Variants in BCO1 observed in about 807,000 individuals in gnomAD.
BCO1 encodes beta-carotene oxygenase 1, also known as beta,beta-carotene 15,15'-dioxygenase.
Under a neutral mutation model 56.3 loss-of-function variants are expected in BCO1, and 54 were observed. The observed-to-expected ratio is 0.96, with a 90% confidence interval of 0.77 to 1.20. The LOEUF (loss-of-function observed/expected upper bound fraction) is 1.20. Ranked by LOEUF, BCO1 falls within the 50% of genes most tolerant of loss-of-function variation. The probability of loss-of-function intolerance (pLI) is 0.00; values close to 1 mark genes in which losing one functional copy is unlikely to be tolerated. For missense variants in BCO1, 801 were observed against 690.9 expected (o/e 1.16, Z -1.79); for synonymous variants, 318 against 266.1 (o/e 1.20, Z -1.90).
intron 8 of BCO1, among the ~76,000 whole-genome samples, chr16:81,281,792 A>T (rs904456871): frequency 6.6e-6 from 1 of 152,114 alleles, no homozygotes; most frequent in African/African-American, 2.4e-5. Context: ...GTTTAGCCAC[A>T]TCCCTGGCCT....
intron 2 of BCO1, among the ~76,000 whole-genome samples, chr16:81,255,014 C>T (rs142985528): frequency 2.0e-5 from 3 of 152,294 alleles, no homozygotes; most frequent in Non-Finnish European, 4.4e-5. Flanking sequence ...AACTCCTGGG[C>T]TCAAGCGATC....
chr16:81,270,766 A>G (rs1189996983), intron 7 of BCO1, among the ~76,000 whole-genome samples: 1 of 142,250 alleles, frequency 7.0e-6, no homozygotes, highest in Non-Finnish European at 1.5e-5. Context: ...TTTTTTTGAG[A>G]CGTAGTCTCG....
intron 3 of BCO1, 157 bp from the exon 4 acceptor site, chr16:81,261,979 T>G: frequency 2.4e-6 from 2 of 819,102 alleles, no homozygotes; most frequent in Non-Finnish European, 4.1e-6. Flanking sequence ...CCTGACCTCG[T>G]GATCCACCTG....
intron 7 of BCO1, among the ~76,000 whole-genome samples, chr16:81,272,400 G>A (rs1413373288): frequency 2.0e-5 from 3 of 152,124 alleles, no homozygotes; most frequent in Non-Finnish European, 2.9e-5. Flanking sequence ...TTACAGGCGT[G>A]AGCCACCGCG....
rs139347856 is a variant in BCO1 at position 81,272,676 on chromosome 16, A to T, written c.1101+2260A>T. Among the ~76,000 whole-genome samples, 20 of 152,294 alleles carry T rather than the reference A, an allele frequency of 1.3e-4. No homozygotes were observed. In the East Asian group the frequency reaches 3.7e-3, roughly 28 times the overall value. On this transcript the variant is annotated intron_variant, in intron 7 of 10. Transcript: ENST00000258168. ...ACTTACAAAGGCTTCTGGCTCCAGA[A>T]CTCACTGACTTCATGACTTAATTAA... is the stretch of plus-strand genomic sequence containing the variant.
At chr16:81,249,177 G>A (rs955127608) in intron 2 of BCO1, among the ~76,000 whole-genome samples, 3 of 148,226 alleles carry the variant, frequency 2.0e-5, no homozygotes, top group African/African-American at 5.0e-5. Context: ...TGCAACCTTC[G>A]CCTTCCAGGT....
At chr16:81,251,254 G>A (rs1269189487) in intron 2 of BCO1, among the ~76,000 whole-genome samples, 1 of 151,782 alleles carries the variant, frequency 6.6e-6, no homozygotes, top group Non-Finnish European at 1.5e-5. Flanking sequence ...AGAAATTAAT[G>A]CTCTAAAAAA....
At chr16:81,272,413 C>T (rs1229216490) in intron 7 of BCO1, among the ~76,000 whole-genome samples, 5 of 152,164 alleles carry the variant, frequency 3.3e-5, no homozygotes, top group African/African-American at 7.2e-5. Context: ...CCACCGCGCC[C>T]GGCCCAGACT....
Position 81,290,619 on chromosome 16 carries a change from G to T in BCO1, c.*42G>T, listed in dbSNP as rs1216293546. On this transcript the variant is annotated 3_prime_UTR_variant, in exon 11 of 11. Coordinates refer to ENST00000258168, the MANE Select transcript of BCO1 (RefSeq NM_017429.3). ...GTAGGGGAGGGGAGCTCGGCTGTCA[G>T]AACTCCATGGATATGTTTCTTTGGA... 1 of 1,476,756 alleles carries T rather than the reference G, an allele frequency of 6.8e-7. No homozygotes were observed. The highest frequency in any genetic ancestry group is 1.4e-5 in the African/African-American group (1 of 72,044). The allele number at this position is 1,476,756 out of a possible 1,614,324, so 91.5% of individuals were successfully genotyped here.
chr16:81,245,798 G>A lies in BCO1; in HGVS notation c.193+195G>A, dbSNP rs545108743. ...CTAGGAAAAATATCCACGTTCTTCC[G>A]TTTTCTATCTTCTAGAAGCCGCTTT... On this transcript the variant is annotated intron_variant, in intron 2 of 10. Coordinates refer to ENST00000258168, the MANE Select transcript of BCO1 (RefSeq NM_017429.3). 6.8e-5 allele frequency among the ~76,000 whole-genome samples: 10 copies of A among 146,758 alleles called. No homozygotes were observed. In the South Asian group the frequency reaches 8.9e-4, roughly 13 times the overall value.
rs1904969134 is a variant in BCO1, at chr16:81,238,714, T to C, written c.-195T>C. The C allele has an allele frequency of 1.6e-6, 1 of 642,108 alleles. No individual in the cohort carries two copies. The highest frequency in any genetic ancestry group is 2.8e-6 in the Non-Finnish European group (1 of 351,930). The allele number at this position is 642,108 out of a possible 1,614,324, so 39.8% of individuals were successfully genotyped here. A position where few individuals can be genotyped will look rare whatever the true frequency, so the allele number is the denominator to read the frequency against. ...GTGAATGTAAAGAGATCCAGGGCTC[T>C]TGGAGAGGGACAAGTGAGAGCCAGC... On this transcript the variant is annotated 5_prime_UTR_variant, in exon 1 of 11. Transcript: ENST00000258168.
intron 2 of BCO1, among the ~76,000 whole-genome samples, chr16:81,248,844 T>G (rs1024119078): frequency 6.6e-6 from 1 of 152,166 alleles, no homozygotes; most frequent in East Asian, 1.9e-4. Flanking sequence ...AAATCCTATC[T>G]CTACTAAAAA....
Position 81,262,176 on chromosome 16 carries a change from GA to G in BCO1, c.365del (p.Asp122AlafsTer4), listed in dbSNP as rs1567705903. 2.5e-6 allele frequency: 4 copies of G among 1,613,862 alleles called. No individual in the cohort carries two copies. The highest frequency in any genetic ancestry group is 3.4e-6 in the Non-Finnish European group (4 of 1,179,950). On this transcript the variant is annotated frameshift_variant, in exon 4 of 11. Coordinates refer to ENST00000258168, the MANE Select transcript of BCO1 (RefSeq NM_017429.3). LOFTEE classifies it high-confidence loss of function. ...GTCTCACACCATCCCCGATTTCACCGACAACTGCCTGATCAACATCATGAAG... is the reference window on the plus strand; with the variant it reads ...GTCTCACACCATCCCCGATTTCACCGCAACTGCCTGATCAACATCATGAAG... ...YLSHTIPDFTDNCLINIMKCG... is the reference protein window; with the variant it reads ...YLSHTIPDFTXNCLINIMKCG...
intron 1 of BCO1, among the ~76,000 whole-genome samples, chr16:81,239,535 T>C (rs995721756): frequency 1.3e-5 from 2 of 152,186 alleles, no homozygotes; most frequent in African/African-American, 4.8e-5. Context: ...AGTGGGTACA[T>C]AGACAATGGG....
intron 1 of BCO1, among the ~76,000 whole-genome samples, chr16:81,242,654 C>T (rs1905186088): frequency 6.6e-6 from 1 of 152,116 alleles, no homozygotes; most frequent in Non-Finnish European, 1.5e-5. Flanking sequence ...CTGCCTCTCT[C>T]AGGGAATTTC....
chr16:81,284,370 CATA>C (rs1244487058), intron 8 of BCO1, among the ~76,000 whole-genome samples: 1 of 151,432 alleles, frequency 6.6e-6, no homozygotes, highest in Non-Finnish European at 1.5e-5. Context: ...GAAAATTTCA[CATA>C]ATGAGAAACT....
chr16:81,260,017 G>A (rs907717251), intron 3 of BCO1, among the ~76,000 whole-genome samples: 1 of 152,130 alleles, frequency 6.6e-6, no homozygotes, highest in Non-Finnish European at 1.5e-5. Context: ...CCTCCCACAT[G>A]GCTGGTGGGA....
At position 81,270,240 on chromosome 16, in the gene BCO1, C is replaced by G. The variant is rs778051988; in HGVS notation, c.925C>G (p.His309Asp). Residue 309 changes from histidine to aspartate, a missense_variant, in exon 7 of 11, where the codon CAC (histidine) becomes GAC (aspartate). By Grantham distance (81) the His-to-Asp change is moderately conservative. Transcript: ENST00000258168. Reference protein sequence around the residue: ...FYTDAMVVFHHVNAYEEDGCI... With the variant: ...FYTDAMVVFHDVNAYEEDGCI... ...CACAGACGCCATGGTGGTCTTCCAT[C>G]ACGTCAACGCCTACGAAGAGGACGG... 1 of 1,614,186 alleles carries G rather than the reference C, an allele frequency of 6.2e-7. No homozygotes were observed. The highest frequency in any genetic ancestry group is 8.5e-7 in the Non-Finnish European group (1 of 1,180,040).
At chr16:81,242,328 G>A (rs1905165730) in intron 1 of BCO1, among the ~76,000 whole-genome samples, 3 of 150,678 alleles carry the variant, frequency 2.0e-5, no homozygotes, top group Non-Finnish European at 4.4e-5. Flanking sequence ...AGCCTCCCCA[G>A]TAGCTGGGAT....
Sources: gnomAD v4.1 joint callset for allele counts (sites outside exome capture counted in the v4.1 genomes callset) on GRCh38, gnomAD v4.1.1 for gene constraint, MANE v1.5 for transcripts, NCBI Gene and HGNC (gene_info 2026-07-23, HGNC 2026-07-21) for gene names.